The following DNAH12 variants were observed in gnomAD, a reference collection of about 807,000 sequenced individuals.
The protein encoded by DNAH12 is axonemal beta dynein heavy chain 12.
DNAH12 carries 285 observed loss-of-function variants against 371.5 expected under a neutral mutation model. The observed-to-expected ratio is 0.77, with a 90% CI of 0.70 to 0.85. DNAH12 has a LOEUF of 0.85. Ranked by LOEUF, DNAH12 falls within the 40% of genes least tolerant of loss-of-function variation. The pLI, the probability that DNAH12 is intolerant of heterozygous loss-of-function variation, is 0.00. For synonymous variants in DNAH12, 1,200 were observed against 1,213.0 expected, an observed-to-expected ratio of 0.99 and a Z score of 0.22; for missense variants, 3,611 against 3,689.4, an observed-to-expected ratio of 0.98 and a Z score of 0.55.
chr3:57,544,232 G>A lies in DNAH12; in HGVS notation c.-69C>T, dbSNP rs985977924. 2 of 151,978 alleles carry A rather than the reference G, an allele frequency of 1.3e-5. No individual in the cohort carries two copies. Among genetic ancestry groups the A allele is most frequent in the African/African-American group, 2.4e-5 (1 of 41,224 alleles). The allele number at this position is 151,978 out of a possible 1,614,324, so 9.4% of individuals were successfully genotyped here. On this transcript the variant is annotated 5_prime_UTR_variant, in exon 1 of 74. Coordinates refer to ENST00000495027, the MANE Select transcript of DNAH12 (RefSeq NM_001366028.2). ...CTCACTACTTCCCCGCTGCGCAGAC[G>A]CCAGAGAGAGAGAGAGACAGTCAGA...
intron 57 of DNAH12, among the ~76,000 whole-genome samples, chr3:57,364,500 T>A (rs897033143): frequency 1.8e-4 from 28 of 151,978 alleles, no homozygotes; most frequent in East Asian, 1.5e-3. Flanking sequence ...TTCCTCATTT[T>A]AAAAAAAATA....
intron 11 of DNAH12, among the ~76,000 whole-genome samples, chr3:57,499,593 A>G (rs1402216224): frequency 7.3e-6 from 1 of 136,166 alleles, no homozygotes; most frequent in African/African-American, 2.8e-5. Context: ...TAGAAGTTCA[A>G]AACCACCTGG....
chr3:57,395,370 A>G (rs1178580779), intron 43 of DNAH12, among the ~76,000 whole-genome samples: 1 of 152,200 alleles, frequency 6.6e-6, no homozygotes, highest in African/African-American at 2.4e-5. Context: ...AAATAGCATT[A>G]CAACTTCTCT....
rs1051493013 is a variant in DNAH12, at chr3:57,405,041, C to T, written c.6683G>A (p.Ser2228Asn). The T allele has an allele frequency of 2.6e-6, 4 of 1,546,414 alleles. No homozygotes were observed. Among genetic ancestry groups the T allele is most frequent in the Admixed American group, 2.0e-5 (1 of 49,792 alleles). The change falls in exon 42 of 74, where the codon AGT becomes AAT. Residue 2228 changes from serine (S) to asparagine (N), a missense_variant. Ser to Asn is a conservative substitution (Grantham distance 46). Transcript: ENST00000495027. ...YIEIPNIHHFSDVVDQCLDEY... is the reference protein window; with the variant it reads ...YIEIPNIHHFNDVVDQCLDEY... Reference sequence around the variant, plus strand: ...ATCTAAGCACTGGTCCACAACATCACTAAAATGATGAATATTTGGAATTTC... The same window carrying T: ...ATCTAAGCACTGGTCCACAACATCATTAAAATGATGAATATTTGGAATTTC...
chr3:57,399,640 C>T (rs2063815907), intron 43 of DNAH12, among the ~76,000 whole-genome samples: 1 of 152,172 alleles, frequency 6.6e-6, no homozygotes, highest in African/African-American at 2.4e-5. Flanking sequence ...CACTGAACAA[C>T]ACAGGTTTGA....
rs186458235 is a variant in DNAH12, at chr3:57,542,939, C to A, written c.-33-36G>T. The stretch of plus-strand genomic sequence containing the variant: ...AAAGTCCATAAAGCCATTATTATGT[C>A]AGCAAGCCTCGACACATTCATAACA... On this transcript the variant is annotated intron_variant, in intron 1 of 73. Transcript: ENST00000495027. The A allele has an allele frequency of 8.8e-5, 127 of 1,440,856 alleles. No homozygotes were observed. The African/African-American group carries it at 1.7e-3, about 20-fold the overall frequency. 89.3% of individuals were successfully genotyped at this position (1,440,856 alleles called of 1,614,324 possible).
At chr3:57,464,461 G>T (rs1406602848) in intron 17 of DNAH12, among the ~76,000 whole-genome samples, 2 of 152,162 alleles carry the variant, frequency 1.3e-5, no homozygotes, top group East Asian at 1.9e-4. Flanking sequence ...TGGGCTTAAG[G>T]TGCCACTTGG....
intron 35 of DNAH12, among the ~76,000 whole-genome samples, chr3:57,422,106 G>A (rs978481100): frequency 6.6e-6 from 1 of 151,252 alleles, no homozygotes; most frequent in African/African-American, 2.4e-5. Flanking sequence ...TAGAGACAGG[G>A]TTTTGCTATG....
intron 59 of DNAH12, among the ~76,000 whole-genome samples, chr3:57,356,307 G>A (rs1004664128): frequency 6.6e-6 from 1 of 151,966 alleles, no homozygotes; most frequent in African/African-American, 2.4e-5. Flanking sequence ...GCCAGACATA[G>A]TGGTGTGCAC....
intron 37 of DNAH12, 83 bp downstream of exon 37, chr3:57,419,284 C>G (rs893434287): frequency 1.1e-5 from 14 of 1,329,700 alleles, no homozygotes; most frequent in Non-Finnish European, 1.4e-5. Context: ...AAGGGATGAT[C>G]TCGAATACTT....
chr3:57,301,808 TTGGCCCATATTTC>T lies in DNAH12; in HGVS notation c.11308_11320del (p.Glu3770AsnfsTer18), dbSNP rs1411626212. ...GGGCTTAAGGCTTGGGTATGAACGT[TTGGCCCATATTTC>T]TGGAACCTTTCCAACAAGTAAGCTA... On this transcript the variant is annotated frameshift_variant, in exon 70 of 74. Coordinates refer to ENST00000495027, the MANE Select transcript of DNAH12 (RefSeq NM_001366028.2). LOFTEE classifies it high-confidence loss of function. The T allele has an allele frequency of 6.4e-7, 1 of 1,551,562 alleles. No homozygotes were observed. The highest frequency in any genetic ancestry group is 2.4e-5 in the East Asian group (1 of 40,910).
At chr3:57,339,779 G>GT (rs2062348161) in intron 60 of DNAH12, among the ~76,000 whole-genome samples, 1 of 152,162 alleles carries the variant, frequency 6.6e-6, no homozygotes, top group South Asian at 2.1e-4. Flanking sequence ...AAAAAAAGAA[G>GT]TTAAGAGAGA....
chr3:57,359,133 T>C (rs929715864), intron 58 of DNAH12, among the ~76,000 whole-genome samples: 7 of 152,212 alleles, frequency 4.6e-5, no homozygotes, highest in Non-Finnish European at 8.8e-5. Flanking sequence ...CATGGCTTGA[T>C]CTATGCATAC....
intron 58 of DNAH12, among the ~76,000 whole-genome samples, chr3:57,361,444 C>CACACTATATATATATATA (rs1409626573): frequency 2.2e-4 from 26 of 116,690 alleles, no homozygotes; most frequent in African/African-American, 1.0e-3. Context: ...CACACACACA[C>CACACTATATATATATATA]TATATATATA....
chr3:57,392,414 C>G (rs1424800827), intron 44 of DNAH12, among the ~76,000 whole-genome samples: 1 of 151,988 alleles, frequency 6.6e-6, no homozygotes, highest in Admixed American at 6.6e-5. Context: ...TGTAAAATAT[C>G]CACATATTAG....
intron 69 of DNAH12, among the ~76,000 whole-genome samples, chr3:57,304,390 A>ATC (rs2061426920): frequency 6.6e-6 from 1 of 152,180 alleles, no homozygotes; most frequent in Non-Finnish European, 1.5e-5. Flanking sequence ...CCCAAGGAAT[A>ATC]TCTCACCAAT....
chr3:57,320,300 T>C (rs9862408), intron 65 of DNAH12, among the ~76,000 whole-genome samples: 54,496 of 152,004 alleles, frequency 0.36, 10,723 homozygotes, highest in African/African-American at 0.51. Context: ...TATAAGAATG[T>C]CTTGCACCTA....
chr3:57,433,142 C>T lies in DNAH12; in HGVS notation c.4980+225G>A, dbSNP rs375870506. Among the ~76,000 whole-genome samples, 14 of 144,662 alleles carry T rather than the reference C, an allele frequency of 9.7e-5. No individual in the cohort carries two copies. The South Asian group carries it at 3.1e-3, about 32-fold the overall frequency. 94.9% of individuals were successfully genotyped at this position (144,662 alleles called of 152,430 possible). A position where few individuals can be genotyped will look rare whatever the true frequency, so the allele number is the denominator to read the frequency against. On this transcript the variant is annotated intron_variant, in intron 32 of 73. Coordinates refer to ENST00000495027, the MANE Select transcript of DNAH12 (RefSeq NM_001366028.2). ...AGATTACTATGTCTTCTGGCTAACA[C>T]AGTAATTTTAATACAATATACTTTC... is the stretch of plus-strand genomic sequence containing the variant.
chr3:57,546,132 GGCCAA>G (rs888149871), upstream of DNAH12, among the ~76,000 whole-genome samples: 51 of 152,076 alleles, frequency 3.4e-4, no homozygotes, highest in African/African-American at 1.2e-3. Flanking sequence ...ATTAGTACCA[GGCCAA>G]GCCCCAGGGT....
Sources: allele counts gnomAD v4.1 joint callset (sites outside exome capture counted in the v4.1 genomes callset), GRCh38; gene constraint gnomAD v4.1.1; transcripts MANE v1.5; gene names NCBI Gene and HGNC (gene_info 2026-07-23, HGNC 2026-07-21).